Variants in FUT8 observed in about 807,000 individuals in gnomAD.
The protein encoded by FUT8 is fucosyltransferase 8.
Under a neutral mutation model 71.3 loss-of-function variants are expected in FUT8, and 29 were observed. The observed-to-expected ratio is 0.41, with a 90% CI of 0.30 to 0.55. The LOEUF (loss-of-function observed/expected upper bound fraction) is 0.55. Among genes scored for constraint, FUT8 ranks in the 20% least tolerant of loss-of-function variants. The pLI, the probability that FUT8 is intolerant of heterozygous loss-of-function variation, is 0.34. For synonymous variants in FUT8, 254 were observed against 239.3 expected, an observed-to-expected ratio of 1.06 and a Z score of -0.57; for missense variants, 544 against 702.1, an observed-to-expected ratio of 0.77 and a Z score of 2.55.
chr14:65,510,453 T>C (rs1210664317), intron 2 of FUT8, among the ~76,000 whole-genome samples: 1 of 152,150 alleles, frequency 6.6e-6, no homozygotes, highest in African/African-American at 2.4e-5. Context: ...AGGATGAGTT[T>C]GGAAGTATTC....
At chr14:65,379,875 C>A in the FUT8 span, among the ~76,000 whole-genome samples, 1 of 152,136 alleles carries the variant, frequency 6.6e-6, no homozygotes, top group East Asian at 1.9e-4. Context: ...GAGGGGCGAA[C>A]ACTGGGTCCT....
intron 7 of FUT8, among the ~76,000 whole-genome samples, chr14:65,674,982 T>G (rs1422275879): frequency 6.6e-6 from 1 of 152,214 alleles, no homozygotes; most frequent in Non-Finnish European, 1.5e-5. Context: ...GCTATAAAAC[T>G]TTTTTGTTTT....
At chr14:65,617,220 G>A (rs1439920981) in intron 5 of FUT8, 14 of 1,499,482 alleles carry the variant, frequency 9.3e-6, no homozygotes, top group African/African-American at 1.5e-5. Context: ...ATTAACATCA[G>A]CAGCAATATT....
intron 10 of FUT8, among the ~76,000 whole-genome samples, chr14:65,735,948 C>T (rs1896194424): frequency 6.6e-6 from 1 of 152,100 alleles, no homozygotes; most frequent in Non-Finnish European, 1.5e-5. Flanking sequence ...AAATATCTTG[C>T]CATCATTGCC....
chr14:65,688,104 G>A (rs1893387873), intron 7 of FUT8, among the ~76,000 whole-genome samples: 1 of 152,108 alleles, frequency 6.6e-6, no homozygotes, highest in Non-Finnish European at 1.5e-5. Context: ...ATTATTAACT[G>A]AAATCCATAG....
chr14:65,564,528 A>T (rs964250936), intron 3 of FUT8, among the ~76,000 whole-genome samples: 3 of 152,008 alleles, frequency 2.0e-5, no homozygotes, highest in African/African-American at 7.2e-5. Context: ...TGTAAATCTG[A>T]TCTATTGATG....
At chr14:65,438,706 C>G (rs1362517198) in intron 1 of FUT8, among the ~76,000 whole-genome samples, 1 of 152,144 alleles carries the variant, frequency 6.6e-6, no homozygotes, top group Non-Finnish European at 1.5e-5. Flanking sequence ...CGATCCTTCA[C>G]ACCTCCATCT....
chr14:65,435,970 C>A (rs2065551801), intron 1 of FUT8, among the ~76,000 whole-genome samples: 1 of 148,698 alleles, frequency 6.7e-6, no homozygotes, highest in Admixed American at 6.7e-5. Context: ...GCCGTGTTAC[C>A]CAGACTGGAG....
At chr14:65,619,292 C>T (rs966478066) in intron 5 of FUT8, among the ~76,000 whole-genome samples, 2 of 152,104 alleles carry the variant, frequency 1.3e-5, no homozygotes, top group African/African-American at 4.8e-5. Flanking sequence ...GTAGAAATCG[C>T]ATTTCTCTGT....
chr14:65,656,416 A>T (rs145181293), intron 6 of FUT8, among the ~76,000 whole-genome samples: 7 of 152,326 alleles, frequency 4.6e-5, no homozygotes, highest in Admixed American at 1.3e-4. Context: ...AAGTAACAAG[A>T]AATTAACCAA....
chr14:65,739,034 T>C (rs1291625878), intron 10 of FUT8, among the ~76,000 whole-genome samples: 1 of 152,102 alleles, frequency 6.6e-6, no homozygotes, highest in Non-Finnish European at 1.5e-5. Context: ...TAGTTCCTTT[T>C]TGGATTTTTA....
rs552019196 is a variant in FUT8 at position 65,468,310 on chromosome 14, CG to C, written c.-228+12595del. 557 of 604,244 alleles carry C rather than the reference CG, an allele frequency of 9.2e-4. 3 individuals carry two copies. The highest frequency in any genetic ancestry group is 1.9e-3 in the South Asian group (133 of 71,824). The allele number at this position is 604,244 out of a possible 1,614,324, so 37.4% of individuals were successfully genotyped here. ...ACTAAAAGGCCTAGAGAACATATAT[CG>C]GGTGCCTCTCTTCTTTCCCTTTGTG... is the stretch of plus-strand genomic sequence containing the variant. On this transcript the variant is annotated intron_variant, in intron 2 of 10. Transcript: ENST00000673929.
rs1176816245 is a variant in FUT8, at chr14:65,421,746, C to CG, written c.-326+8532_-326+8533insG. 7.1e-4 allele frequency among the ~76,000 whole-genome samples: 46 copies of CG among 64,384 alleles called. 7 individuals are homozygous for CG. Among genetic ancestry groups the CG allele is most frequent in the East Asian group, 1.8e-3 (2 of 1,116 alleles). 42.2% of individuals were successfully genotyped at this position (64,384 alleles called of 152,430 possible). ...CTTGAAACCCTTTAACCCACCCCCC[C>CG]CTTTTTTTTTTTTTGCCATATCCAC... On this transcript the variant is annotated intron_variant, in intron 1 of 10. Transcript: ENST00000673929.
At chr14:65,650,738 A>C (rs10150314) in intron 6 of FUT8, among the ~76,000 whole-genome samples, 20,045 of 150,222 alleles carry the variant, frequency 0.13, 1,796 homozygotes, top group East Asian at 0.38. Context: ...AACAAAAAAA[A>C]CCACAAACTT....
chr14:65,530,296 T>C (rs1173204713), intron 2 of FUT8, among the ~76,000 whole-genome samples: 1 of 152,150 alleles, frequency 6.6e-6, no homozygotes, highest in African/African-American at 2.4e-5. Flanking sequence ...GGCTCACCTT[T>C]TTGTTTGTTT....
intron 3 of FUT8, among the ~76,000 whole-genome samples, chr14:65,601,585 A>T (rs1888290318): frequency 6.6e-6 from 1 of 152,178 alleles, no homozygotes. Flanking sequence ...AAACAAAATG[A>T]TGTTATTTTA....
chr14:65,662,501 T>C (rs1039993693), intron 6 of FUT8, among the ~76,000 whole-genome samples: 5 of 152,230 alleles, frequency 3.3e-5, no homozygotes, highest in Non-Finnish European at 5.9e-5. Context: ...GCTTTGCTGA[T>C]GAATTATAAT....
intron 6 of FUT8, among the ~76,000 whole-genome samples, chr14:65,630,264 GTTA>G (rs1184018365): frequency 1.3e-5 from 2 of 152,128 alleles, no homozygotes; most frequent in African/African-American, 4.8e-5. Flanking sequence ...TTTTATAAAT[GTTA>G]TTATAACAAA....
At position 65,424,558 on chromosome 14, in the gene FUT8, G is replaced by A. The variant is rs76362144; in HGVS notation, c.-326+11344G>A. On this transcript the variant is annotated intron_variant, in intron 1 of 10. Transcript: ENST00000673929. ...TCTTTTCTTTTTTTTTTTTTTTTTT[G>A]ATGAAGTCTCATTCTGTCACCCAGG... 1.1e-4 allele frequency among the ~76,000 whole-genome samples: 4 copies of A among 36,238 alleles called. No homozygotes were observed. In the South Asian group the frequency reaches 3.5e-3, roughly 32 times the overall value. 23.8% of individuals were successfully genotyped at this position (36,238 alleles called of 152,430 possible). A position where few individuals can be genotyped will look rare whatever the true frequency, so the allele number is the denominator to read the frequency against.
Sources: gnomAD v4.1 joint callset for allele counts (sites outside exome capture counted in the v4.1 genomes callset) on GRCh38, gnomAD v4.1.1 for gene constraint, MANE v1.5 for transcripts, NCBI Gene and HGNC (gene_info 2026-07-23, HGNC 2026-07-21) for gene names.